The following ANKRD29 variants were observed in gnomAD, a reference collection of about 807,000 sequenced individuals.
ANKRD29 encodes the protein ankyrin repeat domain 29.
ANKRD29 carries 32 observed loss-of-function variants against 38.0 expected under a neutral mutation model. The ratio of observed to expected loss-of-function variants is 0.84; its 90% CI spans 0.64 to 1.13. The LOEUF (loss-of-function observed/expected upper bound fraction) is 1.13. ANKRD29 is among the 50% of genes most tolerant of loss of function. The pLI is 0.00. For missense variants in ANKRD29, 357 were observed against 377.9 expected (o/e 0.94, Z 0.46); for synonymous variants, 135 against 152.4 (o/e 0.89, Z 0.84).
At chr18:23,658,858 T>G (rs1473360058) in intron 1 of ANKRD29, among the ~76,000 whole-genome samples, 1 of 152,228 alleles carries the variant, frequency 6.6e-6, no homozygotes, top group Non-Finnish European at 1.5e-5. Context: ...GGTGGCCATC[T>G]GTAAGTCAGG....
chr18:23,642,641 C>T (rs902950552), intron 3 of ANKRD29, among the ~76,000 whole-genome samples: 5 of 152,200 alleles, frequency 3.3e-5, no homozygotes, highest in African/African-American at 7.2e-5. Flanking sequence ...GGGCAGAAGG[C>T]GCTGCTAGCC....
chr18:23,642,384 C>T (rs1301211523), intron 3 of ANKRD29, among the ~76,000 whole-genome samples: 9 of 152,082 alleles, frequency 5.9e-5, no homozygotes, highest in Admixed American at 3.3e-4. Flanking sequence ...GTGCCTGCAG[C>T]GGAAGCCACT....
At position 23,662,866 on chromosome 18, in the gene ANKRD29, C is replaced by T. The variant is rs2060386763; in HGVS notation, c.-136G>A. On this transcript the variant is annotated 5_prime_UTR_variant, in exon 1 of 10. Transcript: ENST00000592179. ...GACGCCGCGCGCTCCCGCCGCCCGG[C>T]CCGGCAGCAGCCGCCGCACACAGGG... The T allele has an allele frequency of 3.7e-6, 3 of 809,220 alleles. No homozygotes were observed. The highest frequency in any genetic ancestry group is 3.1e-6 in the Non-Finnish European group (2 of 653,534). The allele number at this position is 809,220 out of a possible 1,614,324, so 50.1% of individuals were successfully genotyped here. A position where few individuals can be genotyped will look rare whatever the true frequency, so the allele number is the denominator to read the frequency against.
intron 1 of ANKRD29, among the ~76,000 whole-genome samples, chr18:23,658,223 C>A (rs1598551031): frequency 6.6e-6 from 1 of 152,024 alleles, no homozygotes; most frequent in South Asian, 2.1e-4. Context: ...CTGGGCAACA[C>A]AGGGAGACCC....
intron 5 of ANKRD29, among the ~76,000 whole-genome samples, chr18:23,630,185 G>A (rs1479859347): frequency 6.6e-6 from 1 of 152,190 alleles, no homozygotes; most frequent in African/African-American, 2.4e-5. Flanking sequence ...AGCACTTTGG[G>A]AGGCCGAGGC....
At position 23,637,162 on chromosome 18, in the gene ANKRD29, TC is replaced by T. The variant is rs61224762; in HGVS notation, c.330+1686del. 2.0e-4 allele frequency among the ~76,000 whole-genome samples: 30 copies of T among 152,342 alleles called. 2 individuals carry two copies. In the East Asian group the frequency reaches 5.0e-3, roughly 25 times the overall value. ...AAGACTGAAGCAGCCATATGGTCAC[TC>T]ACGATCATTTTGACCTTCGTTCAAA... On this transcript the variant is annotated intron_variant, in intron 4 of 9. Transcript: ENST00000592179.
intron 8 of ANKRD29, among the ~76,000 whole-genome samples, 168 bp downstream of exon 8, chr18:23,617,564 C>T (rs752323044): frequency 3.3e-5 from 5 of 152,146 alleles, no homozygotes; most frequent in Non-Finnish European, 7.4e-5. Flanking sequence ...CACCTCCCCA[C>T]TTCTACCAGA....
chr18:23,655,910 G>A (rs1048858251), intron 1 of ANKRD29, among the ~76,000 whole-genome samples: 1 of 149,366 alleles, frequency 6.7e-6, no homozygotes, highest in African/African-American at 2.4e-5. Context: ...CGGCTAAAAC[G>A]GTGAAACCCC....
chr18:23,632,533 G>GTATATATATATA (rs61584775), intron 5 of ANKRD29, among the ~76,000 whole-genome samples: 2,468 of 130,846 alleles, frequency 0.019, 42 homozygotes, highest in Non-Finnish European at 0.026. Flanking sequence ...GTGTGTGTGT[G>GTATATATATATA]TATATATATA....
chr18:23,618,717 C>T (rs2059754894), intron 7 of ANKRD29: 1 of 151,152 alleles, frequency 6.6e-6, no homozygotes, highest in Admixed American at 6.6e-5. Flanking sequence ...ATATCAGTCG[C>T]TGTGTTTGGA....
At chr18:23,660,819 A>T (rs1337759435) in intron 1 of ANKRD29, among the ~76,000 whole-genome samples, 1 of 152,190 alleles carries the variant, frequency 6.6e-6, no homozygotes, top group South Asian at 2.1e-4. Flanking sequence ...ACAAACAAAC[A>T]AACTAACAAA....
chr18:23,638,733 G>C (rs186103322), intron 4 of ANKRD29, 116 bp downstream of exon 4: 30 of 832,562 alleles, frequency 3.6e-5, no homozygotes, highest in Non-Finnish European at 5.2e-5. Flanking sequence ...ACTTACTTAG[G>C]TTTGAGAATC....
At chr18:23,624,262 T>C (rs1445154555) in intron 6 of ANKRD29, among the ~76,000 whole-genome samples, 1 of 150,696 alleles carries the variant, frequency 6.6e-6, no homozygotes, top group African/African-American at 2.4e-5. Flanking sequence ...AGGCCTGGAG[T>C]TTGAGACTAG....
chr18:23,615,661 C>G (rs1444591326), intron 8 of ANKRD29, among the ~76,000 whole-genome samples: 1 of 152,002 alleles, frequency 6.6e-6, no homozygotes, highest in Non-Finnish European at 1.5e-5. Flanking sequence ...ATCCACCTGC[C>G]TCAGCCTCCC....
chr18:23,655,506 G>A (rs1172786849), intron 1 of ANKRD29, among the ~76,000 whole-genome samples: 2 of 151,954 alleles, frequency 1.3e-5, no homozygotes, highest in African/African-American at 2.4e-5. Flanking sequence ...GTGCAGTGGC[G>A]TGATCTCGAC....
intron 7 of ANKRD29, chr18:23,618,499 T>G (rs2059752299): frequency 6.6e-6 from 1 of 152,242 alleles, no homozygotes; most frequent in Non-Finnish European, 1.5e-5. Flanking sequence ...GAGAATCACT[T>G]GAACCCAGAG....
At chr18:23,642,742 C>T (rs2060093689) in intron 3 of ANKRD29, among the ~76,000 whole-genome samples, 1 of 152,240 alleles carries the variant, frequency 6.6e-6, no homozygotes, top group African/African-American at 2.4e-5. Flanking sequence ...CAGAAGTTCT[C>T]ACTTTAGGTG....
At chr18:23,634,355 T>C (rs531266399) in intron 4 of ANKRD29, among the ~76,000 whole-genome samples, 1 of 146,156 alleles carries the variant, frequency 6.8e-6, no homozygotes, top group South Asian at 2.2e-4. Flanking sequence ...AGTGGTGCGA[T>C]CTTGGCTCAC....
At chr18:23,651,934 T>C (rs2060215410) in intron 1 of ANKRD29, among the ~76,000 whole-genome samples, 1 of 152,230 alleles carries the variant, frequency 6.6e-6, no homozygotes, top group Admixed American at 6.5e-5. Context: ...TGTGATTGTA[T>C]GTGCAGGAGA....
Sources: allele counts gnomAD v4.1 joint callset (sites outside exome capture counted in the v4.1 genomes callset), GRCh38; gene constraint gnomAD v4.1.1; transcripts MANE v1.5; gene names NCBI Gene and HGNC (gene_info 2026-07-23, HGNC 2026-07-21).